SPATA17: variants seen among roughly 807,000 people sequenced by gnomAD.
SPATA17 encodes the protein spermatogenesis associated 17.
Under a neutral mutation model 62.2 loss-of-function variants are expected in SPATA17, and 53 were observed. That is an observed-to-expected ratio of 0.85 (90% CI 0.68 to 1.07). The LOEUF (loss-of-function observed/expected upper bound fraction) is 1.07. Among genes scored for constraint, SPATA17 ranks in the 50% least tolerant of loss-of-function variants. SPATA17 has a pLI of 0.00. For synonymous variants in SPATA17, 146 were observed against 146.8 expected (o/e 0.99, Z 0.04); for missense variants, 466 against 425.5 (o/e 1.10, Z -0.84).
rs58334582 is a variant in SPATA17 at position 217,847,421 on chromosome 1, T to C, written c.1006-15353T>C. On this transcript the variant is annotated intron_variant, in intron 9 of 10. Coordinates refer to ENST00000366933, the MANE Select transcript of SPATA17 (RefSeq NM_138796.4). ...GAAATAGCTTGTGAGGAAATTCACATTGCTTTCTTAATTTGATTTAGTTGG... is the reference window on the plus strand; with the variant it reads ...GAAATAGCTTGTGAGGAAATTCACACTGCTTTCTTAATTTGATTTAGTTGG... Among the ~76,000 whole-genome samples, 1,329 of 152,224 alleles carry C rather than the reference T, an allele frequency of 8.7e-3. 21 individuals are homozygous for C. Among genetic ancestry groups the C allele is most frequent in the African/African-American group, 0.031 (1,281 of 41,562 alleles).
intron 5 of SPATA17, among the ~76,000 whole-genome samples, chr1:217,702,283 T>C (rs1285746729): frequency 6.6e-6 from 1 of 152,198 alleles, no homozygotes; most frequent in African/African-American, 2.4e-5. Flanking sequence ...TTGATATATA[T>C]GGGTCACCAC....
At chr1:217,824,453 C>T (rs1674939133) in intron 9 of SPATA17, among the ~76,000 whole-genome samples, 1 of 151,348 alleles carries the variant, frequency 6.6e-6, no homozygotes, top group Non-Finnish European at 1.5e-5. Context: ...AGAAAAAGAA[C>T]AGTTCTATTC....
In SPATA17 at chr1:217,631,393, C is replaced by T. The variant is rs778556421; in HGVS notation, c.15C>T (p.Ala5=). Residue 5 remains alanine, a synonymous_variant, in exon 1 of 11, where the codon GCC becomes GCT. Coordinates refer to ENST00000366933, the MANE Select transcript of SPATA17 (RefSeq NM_138796.4). The part of the protein sequence containing the change: MATL[A]RLQARSSTVG... ...GCCAAGAGACCATGGCCACGTTAGC[C>T]CGGCTGCAAGCTAGGTCGTCGACTG... 22 of 1,614,012 alleles carry T rather than the reference C, an allele frequency of 1.4e-5. No individual in the cohort carries two copies. The Admixed American group carries it at 2.8e-4, about 21-fold the overall frequency.
chr1:217,715,550 A>T (rs1310654623), intron 5 of SPATA17, among the ~76,000 whole-genome samples: 1 of 152,156 alleles, frequency 6.6e-6, no homozygotes, highest in Non-Finnish European at 1.5e-5. Flanking sequence ...TTTATGAGAA[A>T]AATCTCCAGT....
chr1:217,848,435 C>CT (rs960938100), intron 9 of SPATA17, among the ~76,000 whole-genome samples: 6 of 152,050 alleles, frequency 3.9e-5, no homozygotes, highest in South Asian at 4.2e-4. Flanking sequence ...TCAGCTTTTA[C>CT]TTTTTTTTAC....
intron 6 of SPATA17, among the ~76,000 whole-genome samples, chr1:217,743,939 T>C (rs1433294120): frequency 6.6e-6 from 1 of 152,050 alleles, no homozygotes; most frequent in Non-Finnish European, 1.5e-5. Context: ...TAACTGAACA[T>C]TTGTTAATTC....
chr1:217,828,872 G>C (rs746026275), intron 9 of SPATA17, among the ~76,000 whole-genome samples: 21 of 152,156 alleles, frequency 1.4e-4, no homozygotes, highest in Non-Finnish European at 2.8e-4. Flanking sequence ...TCAGTAAAAT[G>C]CAAATTCAAA....
At chr1:217,727,243 G>A (rs946749211) in intron 5 of SPATA17, among the ~76,000 whole-genome samples, 2 of 121,410 alleles carry the variant, frequency 1.6e-5, no homozygotes, top group African/African-American at 6.3e-5. Context: ...GCAAAACTCC[G>A]TCTCAATAAT....
intron 9 of SPATA17, among the ~76,000 whole-genome samples, chr1:217,806,511 C>T (rs933296439): frequency 2.6e-5 from 4 of 152,166 alleles, no homozygotes; most frequent in African/African-American, 9.7e-5. Flanking sequence ...CCTGTAGAAC[C>T]CAAGAAGTCC....
chr1:217,677,783 G>A (rs1243927773), intron 4 of SPATA17, among the ~76,000 whole-genome samples: 2 of 151,778 alleles, frequency 1.3e-5, no homozygotes, highest in Non-Finnish European at 2.9e-5. Flanking sequence ...AGGCTAGTGA[G>A]AGTGGGGAAA....
chr1:217,762,563 C>A (rs545205144), intron 6 of SPATA17, among the ~76,000 whole-genome samples: 7 of 152,238 alleles, frequency 4.6e-5, no homozygotes, highest in African/African-American at 1.7e-4. Flanking sequence ...TCTCTGTAGA[C>A]CTGTGGTTTT....
At chr1:217,653,335 GA>G (rs1490221880) in intron 3 of SPATA17, among the ~76,000 whole-genome samples, 4 of 152,114 alleles carry the variant, frequency 2.6e-5, no homozygotes, top group Admixed American at 1.3e-4. Flanking sequence ...ATTGAAGAGG[GA>G]AAAGAGACTT....
chr1:217,721,334 A>G (rs1460206100), intron 5 of SPATA17, among the ~76,000 whole-genome samples: 1 of 152,184 alleles, frequency 6.6e-6, no homozygotes, highest in Non-Finnish European at 1.5e-5. Context: ...TCTAAGGCTT[A>G]AAAGGGAACC....
At chr1:217,684,667 C>T (rs543823698) in intron 5 of SPATA17, among the ~76,000 whole-genome samples, 2 of 152,252 alleles carry the variant, frequency 1.3e-5, no homozygotes, top group African/African-American at 2.4e-5. Flanking sequence ...CTGCCCACCT[C>T]GGCCTCCCAA....
At chr1:217,709,630 AT>A (rs1671812700) in intron 5 of SPATA17, among the ~76,000 whole-genome samples, 1 of 152,180 alleles carries the variant, frequency 6.6e-6, no homozygotes, top group African/African-American at 2.4e-5. Context: ...AAAGCAAGAA[AT>A]TGGCCCCTCC....
intron 9 of SPATA17, among the ~76,000 whole-genome samples, chr1:217,815,435 C>A (rs970820624): frequency 1.3e-5 from 2 of 152,050 alleles, no homozygotes; most frequent in South Asian, 4.1e-4. Flanking sequence ...TTAGCAGCAG[C>A]GTGTTTTGGG....
intron 8 of SPATA17, among the ~76,000 whole-genome samples, chr1:217,787,732 G>A (rs1326928555): frequency 1.3e-5 from 2 of 149,468 alleles, no homozygotes; most frequent in East Asian, 4.0e-4. Context: ...ATTATTAAAC[G>A]CTCTTCACTG....
At chr1:217,643,842 C>T (rs777807094) in intron 1 of SPATA17, among the ~76,000 whole-genome samples, 6 of 152,036 alleles carry the variant, frequency 3.9e-5, no homozygotes, top group East Asian at 3.9e-4. Flanking sequence ...AATTCTCCTG[C>T]GTTAGCCTCC....
At position 217,770,978 on chromosome 1, in the gene SPATA17, A is replaced by AATTTTTTTTTTTTTTTTTTT. The variant is rs1553251071; in HGVS notation, c.520-3356_520-3355insATTTTTTTTTTTTTTTTTTT. Among the ~76,000 whole-genome samples the AATTTTTTTTTTTTTTTTTTT allele has an allele frequency of 2.1e-3, 107 of 50,174 alleles. 22 individuals are homozygous for AATTTTTTTTTTTTTTTTTTT. Among genetic ancestry groups the AATTTTTTTTTTTTTTTTTTT allele is most frequent in the South Asian group, 3.0e-3 (3 of 1,000 alleles). 32.9% of individuals were successfully genotyped at this position (50,174 alleles called of 152,430 possible). ...ATGTATCTATTATATAACTCATTGC[A>AATTTTTTTTTTTTTTTTTTT]TTTTTTTTTTTTTTTTTTTTTTTTT... On this transcript the variant is annotated intron_variant, in intron 6 of 10. Coordinates refer to ENST00000366933, the MANE Select transcript of SPATA17 (RefSeq NM_138796.4).
Sources: allele counts gnomAD v4.1 joint callset (sites outside exome capture counted in the v4.1 genomes callset), GRCh38; gene constraint gnomAD v4.1.1; transcripts MANE v1.5; gene names NCBI Gene and HGNC (gene_info 2026-07-23, HGNC 2026-07-21).